Variants in MAL observed in about 807,000 individuals in gnomAD.
The protein encoded by MAL is myelin and lymphocyte protein.
MAL carries 5 observed loss-of-function variants against 16.7 expected under a neutral mutation model. The observed-to-expected ratio is 0.30, with a 90% CI of 0.16 to 0.63. The LOEUF (loss-of-function observed/expected upper bound fraction) is 0.63, where lower values mean the gene tolerates loss of function less well. Ranked by LOEUF, MAL falls within the 30% of genes least tolerant of loss-of-function variation. MAL has a pLI of 0.82. For synonymous variants in MAL, 96 were observed against 85.5 expected, an observed-to-expected ratio of 1.12 and a Z score of -0.67; for missense variants, 202 against 195.8, an observed-to-expected ratio of 1.03 and a Z score of -0.19.
chr2:95,053,934 G>A lies in MAL; in HGVS notation c.*479G>A, dbSNP rs1222109712. On this transcript the variant is annotated 3_prime_UTR_variant, in exon 4 of 4. Transcript: ENST00000309988. Reference sequence around the variant, plus strand: ...AACTCACCCAACAGATCTTTCCAGAGGTCCATGGTGGAAGACGATAACCCT... The same window carrying A: ...AACTCACCCAACAGATCTTTCCAGAAGTCCATGGTGGAAGACGATAACCCT... 6.3e-6 allele frequency: 1 copy of A among 159,072 alleles called. No homozygotes were observed. Among genetic ancestry groups the A allele is most frequent in the African/African-American group, 2.4e-5 (1 of 41,688 alleles). The allele number at this position is 159,072 out of a possible 1,614,324, so 9.9% of individuals were successfully genotyped here. A position where few individuals can be genotyped will look rare whatever the true frequency, so the allele number is the denominator to read the frequency against.
chr2:95,040,626 T>C (rs1227731157), intron 1 of MAL, among the ~76,000 whole-genome samples: 2 of 152,120 alleles, frequency 1.3e-5, no homozygotes, highest in Non-Finnish European at 2.9e-5. Context: ...AGTGAATAGA[T>C]TGCCAGAAAC....
At position 95,028,824 on chromosome 2, in the gene MAL, C is replaced by A. The variant is rs1387901972; in HGVS notation, c.93+2939C>A. ...ACAAAATGTCATATAGTGTATGATT[C>A]CGTTTATATAAAATACTGGAATAGA... is the stretch of plus-strand genomic sequence containing the variant. On this transcript the variant is annotated intron_variant, in intron 1 of 3. Coordinates refer to ENST00000309988, the MANE Select transcript of MAL (RefSeq NM_002371.4). Among the ~76,000 whole-genome samples the A allele has an allele frequency of 2.6e-5, 4 of 152,162 alleles. No homozygotes were observed. In the East Asian group the frequency reaches 7.7e-4, roughly 29 times the overall value.
intron 1 of MAL, among the ~76,000 whole-genome samples, chr2:95,038,603 G>GGTGA: frequency 2.0e-5 from 1 of 50,840 alleles, no homozygotes; most frequent in African/African-American, 7.7e-5. Context: ...TGACTGAGTG[G>GGTGA]GTGAGTGACT....
chr2:95,050,601 GGTGAA>G (rs1175343626), intron 3 of MAL, among the ~76,000 whole-genome samples: 1 of 152,160 alleles, frequency 6.6e-6, no homozygotes, highest in Non-Finnish European at 1.5e-5. Flanking sequence ...AAATGGGGTT[GGTGAA>G]GTGCCTCTTC....
rs1673926451 is a variant in MAL, at chr2:95,026,010, C to G, written c.93+125C>G. 5 of 826,488 alleles carry G rather than the reference C, an allele frequency of 6.0e-6. No individual in the cohort carries two copies. In the East Asian group the frequency reaches 9.1e-5, roughly 15 times the overall value. 51.2% of individuals were successfully genotyped at this position (826,488 alleles called of 1,614,324 possible). On this transcript the variant is annotated intron_variant, in intron 1 of 3. Coordinates refer to ENST00000309988, the MANE Select transcript of MAL (RefSeq NM_002371.4). ...GTTCTGGGAGCATCGGGGCAGCAGG[C>G]GCAGGGCGGGGACTAAGCCAGGGAA...
At chr2:95,040,894 A>G (rs1674446012) in intron 1 of MAL, among the ~76,000 whole-genome samples, 1 of 152,176 alleles carries the variant, frequency 6.6e-6, no homozygotes, top group Admixed American at 6.5e-5. Flanking sequence ...TGTTGTTCAC[A>G]TATGCCTTTA....
chr2:95,036,594 C>T (rs1249492520), intron 1 of MAL, among the ~76,000 whole-genome samples: 1 of 152,246 alleles, frequency 6.6e-6, no homozygotes, highest in East Asian at 1.9e-4. Context: ...CTGTCAGCAT[C>T]TGTTAAATGC....
chr2:95,046,425 G>A (rs910621791), intron 1 of MAL, among the ~76,000 whole-genome samples: 4 of 152,200 alleles, frequency 2.6e-5, no homozygotes, highest in African/African-American at 9.6e-5. Context: ...GGCGCTGGGG[G>A]AGATGAGGAG....
intron 1 of MAL, among the ~76,000 whole-genome samples, chr2:95,035,367 C>T (rs1212281853): frequency 6.6e-6 from 1 of 152,112 alleles, no homozygotes; most frequent in Non-Finnish European, 1.5e-5. Context: ...TGGGTAAGGC[C>T]AGCAGGTGTA....
Position 95,046,836 on chromosome 2 carries a change from A to C in MAL, c.94-1123A>C, listed in dbSNP as rs80121082. On this transcript the variant is annotated intron_variant, in intron 1 of 3. Transcript: ENST00000309988. ...GAAATAATGAGCAAGAGAAAGAAAG[A>C]GAGAGAAAGAGAAAGGGAGAGAGAG... Among the ~76,000 whole-genome samples, 1,194 of 151,700 alleles carry C rather than the reference A, an allele frequency of 7.9e-3. 15 individuals carry two copies. The highest frequency in any genetic ancestry group is 0.028 in the African/African-American group (1,149 of 41,190).
intron 1 of MAL, 151 bp from the exon 2 acceptor site, chr2:95,047,808 C>T: frequency 1.4e-6 from 1 of 700,516 alleles, no homozygotes. Context: ...ACTAAAGATG[C>T]ATTTTTGCAG....
At chr2:95,033,020 C>T (rs567627780) in intron 1 of MAL, among the ~76,000 whole-genome samples, 1 of 152,232 alleles carries the variant, frequency 6.6e-6, no homozygotes, top group East Asian at 1.9e-4. Context: ...GCACAGCCAG[C>T]CTCACTGACC....
intron 1 of MAL, among the ~76,000 whole-genome samples, chr2:95,047,086 G>A (rs1674608302): frequency 6.6e-6 from 1 of 152,070 alleles, no homozygotes; most frequent in Non-Finnish European, 1.5e-5. Context: ...TGACAGTGTG[G>A]TTAATTTGTT....
rs1673924865 is a variant in MAL at position 95,025,954 on chromosome 2, A to G, written c.93+69A>G. ...GTGCGCTCTCTCGGGCGCCCAGCAC[A>G]GCTGTCGGACGGGATCCGCTAGCTG... On this transcript the variant is annotated intron_variant, in intron 1 of 3. Transcript: ENST00000309988. The surrounding 1 kb of genome is among the most constrained non-coding windows in gnomAD (Gnocchi z 5.6). 1 of 1,365,070 alleles carries G rather than the reference A, an allele frequency of 7.3e-7. No individual in the cohort carries two copies. 84.6% of individuals were successfully genotyped at this position (1,365,070 alleles called of 1,614,324 possible).
intron 1 of MAL, among the ~76,000 whole-genome samples, chr2:95,029,305 T>A (rs1674021411): frequency 6.6e-6 from 1 of 152,242 alleles, no homozygotes; most frequent in South Asian, 2.1e-4. Context: ...TGGTGTTCAC[T>A]TCCAAGCACA....
chr2:95,041,097 G>A (rs1365939142), intron 1 of MAL, among the ~76,000 whole-genome samples: 1 of 152,166 alleles, frequency 6.6e-6, no homozygotes, highest in African/African-American at 2.4e-5. Flanking sequence ...AATATCCAGA[G>A]AATTTGAGCA....
Position 95,053,529 on chromosome 2 carries a change from G to A in MAL, c.*74G>A, listed in dbSNP as rs147090133. The A allele has an allele frequency of 9.0e-4, 1,063 of 1,182,988 alleles. 8 individuals are homozygous for A. In the African/African-American group the frequency reaches 0.014, roughly 16 times the overall value. The allele number at this position is 1,182,988 out of a possible 1,614,324, so 73.3% of individuals were successfully genotyped here. A position where few individuals can be genotyped will look rare whatever the true frequency, so the allele number is the denominator to read the frequency against. ...CCCCACTTTCCGGCATAACTTTTTA[G>A]AAAACAGAAATGCCCTTGATGGTGG... On this transcript the variant is annotated 3_prime_UTR_variant, in exon 4 of 4. Coordinates refer to ENST00000309988, the MANE Select transcript of MAL (RefSeq NM_002371.4).
chr2:95,030,190 GC>G (rs965692753), intron 1 of MAL, among the ~76,000 whole-genome samples: 48 of 152,306 alleles, frequency 3.2e-4, no homozygotes, highest in Admixed American at 9.8e-4. Flanking sequence ...TCTGAAAGCT[GC>G]AGAGTCCTCA....
chr2:95,041,643 CACCCAGCTAGTG>C (rs1012044919), intron 1 of MAL, among the ~76,000 whole-genome samples: 1 of 152,130 alleles, frequency 6.6e-6, no homozygotes, highest in Non-Finnish European at 1.5e-5. Flanking sequence ...GACAGCAGGT[CACCCAGCTAGTG>C]ACACAGCTCA....
Sources: gnomAD v4.1 joint callset for allele counts (sites outside exome capture counted in the v4.1 genomes callset) on GRCh38, gnomAD v4.1.1 for gene constraint, Gnocchi (gnomAD v3.1) non-coding constraint, MANE v1.5 for transcripts, NCBI Gene and HGNC (gene_info 2026-07-23, HGNC 2026-07-21) for gene names.